BSN: variants seen among roughly 807,000 people sequenced by gnomAD.
The protein encoded by BSN is bassoon presynaptic cytomatrix protein.
Under a neutral mutation model 264.8 loss-of-function variants are expected in BSN, and 57 were observed. The ratio of observed to expected loss-of-function variants is 0.22; its 90% CI spans 0.17 to 0.27. The LOEUF is 0.27. Among genes scored for constraint, BSN ranks in the 10% least tolerant of loss-of-function variants. The probability of loss-of-function intolerance (pLI) is 1.00; values close to 1 mark genes in which losing one functional copy is unlikely to be tolerated. For synonymous variants in BSN, 2,059 were observed against 2,137.3 expected, an observed-to-expected ratio of 0.96 and a Z score of 1.01; for missense variants, 4,615 against 5,232.5, an observed-to-expected ratio of 0.88 and a Z score of 3.64.
At chr3:49,569,153 C>T (rs1292910995) in intron 1 of BSN, among the ~76,000 whole-genome samples, 1 of 151,984 alleles carries the variant, frequency 6.6e-6, no homozygotes, top group South Asian at 2.1e-4. Flanking sequence ...GGAGTTTGTT[C>T]TTGGACAAGT....
rs2052148392 is a variant in BSN at position 49,606,289 on chromosome 3, T to TAAAATATATATATA, written c.225-18685_225-18684insAAATATATATATAA. On this transcript the variant is annotated intron_variant, in intron 1 of 11. Transcript: ENST00000296452. ...TATAATATATATTAAAAATATATAT[T>TAAAATATATATATA]ATATATATTAAAAATATATATAATA... Among the ~76,000 whole-genome samples the TAAAATATATATATA allele has an allele frequency of 2.3e-3, 63 of 27,992 alleles. 2 individuals are homozygous for TAAAATATATATATA. The highest frequency in any genetic ancestry group is 2.9e-3 in the Non-Finnish European group (52 of 17,768). The allele number at this position is 27,992 out of a possible 152,430, so 18.4% of individuals were successfully genotyped here. A position where few individuals can be genotyped will look rare whatever the true frequency, so the allele number is the denominator to read the frequency against.
chr3:49,663,708 G>T, intron 7 of BSN, 42 bp downstream of exon 7: 2 of 1,606,486 alleles, frequency 1.2e-6, no homozygotes, highest in Non-Finnish European at 1.7e-6. Context: ...CAGGGAAGAT[G>T]CTATGAATGA....
intron 3 of BSN, among the ~76,000 whole-genome samples, chr3:49,645,377 A>G (rs2052497335): frequency 6.6e-6 from 1 of 152,064 alleles, no homozygotes; most frequent in Admixed American, 6.6e-5. Context: ...AGACTGTACC[A>G]CCATCCACCA....
At chr3:49,639,558 C>T (rs546579313) in intron 2 of BSN, among the ~76,000 whole-genome samples, 1 of 152,298 alleles carries the variant, frequency 6.6e-6, no homozygotes, top group East Asian at 1.9e-4. Flanking sequence ...GGGATGGCTT[C>T]TCACCTCACT....
Position 49,661,649 on chromosome 3 carries a change from G to A in BSN, c.9804G>A (p.Glu3268=). The A allele has an allele frequency of 6.2e-7, 1 of 1,613,648 alleles. No homozygotes were observed. The highest frequency in any genetic ancestry group is 8.5e-7 in the Non-Finnish European group (1 of 1,180,040). The change falls in exon 6 of 12, where the codon GAG becomes GAA. Residue 3268 remains glutamate, a synonymous_variant. Transcript: ENST00000296452. ...GCAGCAGTGGGCGTCCAGGGAAGGA[G>A]CCTGGAGAACCAGGTGTCCTTGACG... ...GPGSSGRPGK[E]PGEPGVLDGP... is the part of the protein sequence containing the mutation.
chr3:49,635,871 C>A (rs982992228), intron 2 of BSN, among the ~76,000 whole-genome samples: 1 of 151,002 alleles, frequency 6.6e-6, no homozygotes, highest in Non-Finnish European at 1.5e-5. Context: ...CCCATCTACT[C>A]GGGAGGCTGA....
Position 49,657,515 on chromosome 3 carries a change from T to C in BSN, c.7959T>C (p.Ser2653=), listed in dbSNP as rs751716517. Reference sequence around the variant, plus strand: ...ACGATGCCACTGCCTCATCATCCAGTGCTGCTGCCACTGTGAGGGCCATGA... The same window carrying C: ...ACGATGCCACTGCCTCATCATCCAGCGCTGCTGCCACTGTGAGGGCCATGA... ...SKHDATASSS[S]AAATVRAMSS... is the part of the protein sequence containing the mutation. The change falls in exon 5 of 12, where the codon AGT becomes AGC. Residue 2653 remains serine (S), a synonymous_variant. Coordinates refer to ENST00000296452, the MANE Select transcript of BSN (RefSeq NM_003458.4). The C allele has an allele frequency of 6.2e-7, 1 of 1,613,200 alleles. No individual in the cohort carries two copies. Among genetic ancestry groups the C allele is most frequent in the East Asian group, 2.2e-5 (1 of 44,880 alleles).
At chr3:49,610,170 T>C (rs2052194159) in intron 1 of BSN, among the ~76,000 whole-genome samples, 1 of 152,206 alleles carries the variant, frequency 6.6e-6, no homozygotes, top group South Asian at 2.1e-4. Context: ...CCCAGACCAC[T>C]GACCCCTCCC....
chr3:49,556,378 A>G (rs1199007247), intron 1 of BSN, among the ~76,000 whole-genome samples: 1 of 152,194 alleles, frequency 6.6e-6, no homozygotes, highest in East Asian at 1.9e-4. Flanking sequence ...GCTGATGTCT[A>G]TTGCTCATAT....
rs1275519640 is a variant in BSN, at chr3:49,585,456, G to A, written c.224+30630G>A. On this transcript the variant is annotated intron_variant, in intron 1 of 11. Coordinates refer to ENST00000296452, the MANE Select transcript of BSN (RefSeq NM_003458.4). This position sits in a 1 kb window ranked among gnomAD's most constrained non-coding sequence, Gnocchi z 4.7. ...GCCGCAGCGGACAGACAGGGATTGG[G>A]TTTCGTGTGCCTGCCACACCAGGCA... is the stretch of plus-strand genomic sequence containing the variant. 6.6e-6 allele frequency among the ~76,000 whole-genome samples: 1 copy of A among 152,196 alleles called. No individual in the cohort carries two copies. The highest frequency in any genetic ancestry group is 2.4e-5 in the African/African-American group (1 of 41,450).
At chr3:49,630,639 A>G (rs894452444) in intron 2 of BSN, among the ~76,000 whole-genome samples, 1 of 152,260 alleles carries the variant, frequency 6.6e-6, no homozygotes, top group South Asian at 2.1e-4. Context: ...GAAGAGGGCC[A>G]TAAGTTAAGC....
intron 3 of BSN, among the ~76,000 whole-genome samples, chr3:49,648,827 A>T (rs753576682): frequency 2.0e-5 from 3 of 152,222 alleles, no homozygotes; most frequent in Non-Finnish European, 4.4e-5. Context: ...CAGAGTGAGT[A>T]TATGTATGTA....
chr3:49,575,656 G>A (rs1192181470), intron 1 of BSN, among the ~76,000 whole-genome samples: 1 of 64,598 alleles, frequency 1.5e-5, no homozygotes, highest in Non-Finnish European at 2.8e-5. Context: ...GTGTGTGTGT[G>A]TGTATATATA....
chr3:49,652,119 G>A lies in BSN; in HGVS notation c.2563G>A (p.Asp855Asn). ...GATTCTCGAGATGAGCGCCGAGGAA[G>A]ACAACCTGGAGGAGGATGACACTGC... is the stretch of plus-strand genomic sequence containing the variant. ...RQILEMSAEE[D>N]NLEEDDTATS... Residue 855 changes from aspartate (D) to asparagine (N), a missense_variant, in exon 5 of 12, where the codon GAC becomes AAC. By Grantham distance (23) the Asp-to-Asn change is conservative. Around this residue, in one of 3 missense-constraint regions of BSN, gnomAD observed 1,197 missense variants for 1,348.0 expected, o/e 0.89. Coordinates refer to ENST00000296452, the MANE Select transcript of BSN (RefSeq NM_003458.4). The A allele has an allele frequency of 6.2e-7, 1 of 1,613,486 alleles. No homozygotes were observed. Among genetic ancestry groups the A allele is most frequent in the Non-Finnish European group, 8.5e-7 (1 of 1,179,518 alleles).
intron 8 of BSN, among the ~76,000 whole-genome samples, 179 bp downstream of exon 8, chr3:49,664,065 G>T (rs2052690545): frequency 6.6e-6 from 1 of 152,192 alleles, no homozygotes; most frequent in Admixed American, 6.5e-5. Flanking sequence ...ATAAGCCAAT[G>T]AGGTCACCAG....
intron 1 of BSN, among the ~76,000 whole-genome samples, chr3:49,592,624 G>A (rs908734042): frequency 6.6e-6 from 1 of 151,108 alleles, no homozygotes; most frequent in Non-Finnish European, 1.5e-5. Flanking sequence ...GGTGGCGGGC[G>A]CCTGTAGTCC....
intron 1 of BSN, among the ~76,000 whole-genome samples, chr3:49,557,855 G>T (rs1255720573): frequency 4.6e-5 from 7 of 152,180 alleles, no homozygotes; most frequent in Admixed American, 4.6e-4. Flanking sequence ...GGGAGCCACT[G>T]CACCCGGCCC....
At chr3:49,606,255 T>TAAAATATATATTATATATATTA (rs2052146555) in intron 1 of BSN, among the ~76,000 whole-genome samples, 5 of 3,940 alleles carry the variant, frequency 1.3e-3, no homozygotes, top group Non-Finnish European at 1.6e-3. Flanking sequence ...ATATTATATA[T>TAAAATATATATTATATATATTA]AAAATATATA....
chr3:49,554,495 A>C lies in BSN; in HGVS notation c.-108A>C. On this transcript the variant is annotated 5_prime_UTR_variant, in exon 1 of 12. Coordinates refer to ENST00000296452, the MANE Select transcript of BSN (RefSeq NM_003458.4). ...CAGCGGCAGGCGGCGGCGCGAGCCG[A>C]GCTGGGAGATGGCGGCGGCAGCGGC... 1 of 272,726 alleles carries C rather than the reference A, an allele frequency of 3.7e-6. No homozygotes were observed. The highest frequency in any genetic ancestry group is 5.6e-6 in the Non-Finnish European group (1 of 178,910). The allele number at this position is 272,726 out of a possible 1,614,324, so 16.9% of individuals were successfully genotyped here. A position where few individuals can be genotyped will look rare whatever the true frequency, so the allele number is the denominator to read the frequency against.
Sources: allele counts gnomAD v4.1 joint callset (sites outside exome capture counted in the v4.1 genomes callset), GRCh38; gene constraint gnomAD v4.1.1; regional missense constraint gnomAD v4.1.1; non-coding constraint Gnocchi (gnomAD v3.1); transcripts MANE v1.5; gene names NCBI Gene and HGNC (gene_info 2026-07-23, HGNC 2026-07-21).